The following TBC1D19 variants were observed in gnomAD, a reference collection of about 807,000 sequenced individuals.
The protein encoded by TBC1D19 is TBC1 domain family member 19, also known as TBC1 domain family, member 19.
In TBC1D19, 60 loss-of-function variants were observed where a neutral mutation model predicts 89.0. The ratio of observed to expected loss-of-function variants is 0.67; its 90% confidence interval spans 0.55 to 0.84. TBC1D19 has a LOEUF of 0.84. TBC1D19 is among the 40% of genes least tolerant of loss of function. TBC1D19 has a pLI of 0.00. For missense variants in TBC1D19, 500 were observed against 610.8 expected, an observed-to-expected ratio of 0.82 and a Z score of 1.91; for synonymous variants, 189 against 199.7, an observed-to-expected ratio of 0.95 and a Z score of 0.45.
the TBC1D19 span, among the ~76,000 whole-genome samples, chr4:26,776,818 T>C: frequency 6.6e-6 from 1 of 152,172 alleles, no homozygotes; most frequent in Admixed American, 6.5e-5. Flanking sequence ...GGTCATCTAA[T>C]TTTCTTTCCC....
chr4:26,610,013 G>GA (rs1300263086), intron 1 of TBC1D19, among the ~76,000 whole-genome samples: 2 of 152,000 alleles, frequency 1.3e-5, no homozygotes, highest in Non-Finnish European at 2.9e-5. Flanking sequence ...TAAGTAAGAA[G>GA]AAAAAATAGA....
chr4:26,692,891 A>G (rs1714423713), intron 13 of TBC1D19, among the ~76,000 whole-genome samples: 1 of 152,234 alleles, frequency 6.6e-6, no homozygotes, highest in African/African-American at 2.4e-5. Flanking sequence ...GCTGGCAATT[A>G]GAGGAACCTA....
intron 7 of TBC1D19, among the ~76,000 whole-genome samples, chr4:26,656,632 C>A (rs560769401): frequency 6.6e-6 from 1 of 151,680 alleles, no homozygotes; most frequent in Admixed American, 6.6e-5. Context: ...AATCTTGGCT[C>A]ACTGTAACCT....
In TBC1D19 at chr4:26,755,540, A is replaced by G. The variant is rs114727120; in HGVS notation, c.*593A>G. Among the ~76,000 whole-genome samples, 871 of 152,182 alleles carry G rather than the reference A, an allele frequency of 5.7e-3. 7 individuals carry two copies. The highest frequency in any genetic ancestry group is 0.02 in the African/African-American group (845 of 41,520). ...TTTATTTCTCTCTTTAAACATCTCT[A>G]CTGGGGAAGGTCGAATACAATTGTC... is the stretch of plus-strand genomic sequence containing the variant. On this transcript the variant is annotated 3_prime_UTR_variant, in exon 21 of 21. Coordinates refer to ENST00000264866, the MANE Select transcript of TBC1D19 (RefSeq NM_018317.4).
rs76307570 is a variant in TBC1D19, at chr4:26,755,914, C to T, written c.*967C>T. On this transcript the variant is annotated 3_prime_UTR_variant, in exon 21 of 21. Coordinates refer to ENST00000264866, the MANE Select transcript of TBC1D19 (RefSeq NM_018317.4). Reference sequence around the variant, plus strand: ...AAGTGAAGGGTCTTATTTTGTATTACTTCCTAAAGACCTACCATTTCTGTA... The same window carrying T: ...AAGTGAAGGGTCTTATTTTGTATTATTTCCTAAAGACCTACCATTTCTGTA... 9.5e-4 allele frequency among the ~76,000 whole-genome samples: 144 copies of T among 152,272 alleles called. 4 individuals are homozygous for T. The East Asian group carries it at 0.024, about 25-fold the overall frequency.
the TBC1D19 span, among the ~76,000 whole-genome samples, chr4:26,817,981 A>AAAAATATATATATATATATAT: frequency 1.0e-4 from 13 of 126,070 alleles, no homozygotes; most frequent in African/African-American, 4.8e-4. Context: ...AAAAAAAAAA[A>AAAAATATATATATATATATAT]ATATATATAT....
At chr4:26,614,308 T>G (rs1471493983) in intron 2 of TBC1D19, 100 bp from the exon 3 acceptor site, 1 of 850,364 alleles carries the variant, frequency 1.2e-6, no homozygotes, top group Non-Finnish European at 1.8e-6. Flanking sequence ...TTTCACAAAT[T>G]AATATGATGC....
chr4:26,824,644 C>G, the TBC1D19 span, among the ~76,000 whole-genome samples: 1 of 151,940 alleles, frequency 6.6e-6, no homozygotes, highest in Non-Finnish European at 1.5e-5. Context: ...TTAGTTAATT[C>G]CTTCTTTTTA....
At chr4:26,678,369 G>A (rs895106699) in intron 11 of TBC1D19, among the ~76,000 whole-genome samples, 2 of 152,202 alleles carry the variant, frequency 1.3e-5, no homozygotes, top group African/African-American at 4.8e-5. Flanking sequence ...AGTTAAGGAT[G>A]TGCATCCTGG....
chr4:26,580,708 G>A (rs1280758864), upstream of TBC1D19, among the ~76,000 whole-genome samples: 1 of 152,224 alleles, frequency 6.6e-6, no homozygotes, highest in African/African-American at 2.4e-5. Flanking sequence ...AACAACAGTG[G>A]AAAGTATTTT....
rs34342483 is a variant in TBC1D19, at chr4:26,741,362, CAAAAAAAAAAAA to C, written c.1228-1133_1228-1122del. ...TGGGCGACAGAGCGAGACTCTGTCT[CAAAAAAAAAAAA>C]AAAAAAAAAAAAGATTAATAATTCT... On this transcript the variant is annotated intron_variant, in intron 17 of 20. Transcript: ENST00000264866. Among the ~76,000 whole-genome samples the C allele has an allele frequency of 3.5e-4, 26 of 73,678 alleles. No homozygotes were observed. In the Admixed American group the frequency reaches 4.3e-3, roughly 12 times the overall value. The allele number at this position is 73,678 out of a possible 152,430, so 48.3% of individuals were successfully genotyped here.
chr4:26,666,337 A>T lies in TBC1D19; in HGVS notation c.596A>T (p.Glu199Val). The change falls in exon 9 of 21, where the codon GAA (glutamate) becomes GTA (valine). Residue 199 changes from glutamate to valine, a missense_variant. Physicochemically the swap from Glu to Val is moderately radical, Grantham distance 121. This residue lies in a region of TBC1D19 where 280 missense variants were observed against 291.7 expected (regional missense o/e 0.96). Coordinates refer to ENST00000264866, the MANE Select transcript of TBC1D19 (RefSeq NM_018317.4). Reference sequence around the variant, plus strand: ...TCTACGTATGTTATTTTTCAGAAAGAATGCTTTGTGGAACTTGGCTTAAAT... The same window carrying T: ...TCTACGTATGTTATTTTTCAGAAAGTATGCTTTGTGGAACTTGGCTTAAAT... The part of the protein sequence containing the change: ...LKVKDIPELK[E>V]CFVELGLNIG... 6.2e-7 allele frequency: 1 copy of T among 1,610,610 alleles called. No homozygotes were observed. Among genetic ancestry groups the T allele is most frequent in the Non-Finnish European group, 8.5e-7 (1 of 1,177,874 alleles).
intron 1 of TBC1D19, among the ~76,000 whole-genome samples, chr4:26,597,310 C>G (rs554327282): frequency 6.6e-6 from 1 of 152,260 alleles, no homozygotes; most frequent in African/African-American, 2.4e-5. Flanking sequence ...CTTAATCGTT[C>G]TGAAGTATCT....
chr4:26,617,273 A>G (rs1165359429), intron 3 of TBC1D19, among the ~76,000 whole-genome samples: 1 of 152,234 alleles, frequency 6.6e-6, no homozygotes, highest in East Asian at 1.9e-4. Flanking sequence ...TGGCCTAATC[A>G]CTTCTGAAAG....
intron 15 of TBC1D19, among the ~76,000 whole-genome samples, chr4:26,732,662 A>G (rs1717737586): frequency 6.6e-6 from 1 of 152,194 alleles, no homozygotes; most frequent in Non-Finnish European, 1.5e-5. Flanking sequence ...TCCATGTCCC[A>G]TATTATTCTT....
At chr4:26,666,787 T>A (rs910077896) in intron 9 of TBC1D19, among the ~76,000 whole-genome samples, 1 of 152,048 alleles carries the variant, frequency 6.6e-6, no homozygotes, top group Non-Finnish European at 1.5e-5. Context: ...AAATAGTGTG[T>A]TTTAAACCTT....
intron 9 of TBC1D19, among the ~76,000 whole-genome samples, chr4:26,668,628 T>C (rs1712019154): frequency 6.6e-6 from 1 of 151,996 alleles, no homozygotes; most frequent in Non-Finnish European, 1.5e-5. Context: ...TTTTATATTT[T>C]AGTCTGTGTC....
chr4:26,681,508 G>A (rs1713342073), intron 11 of TBC1D19, among the ~76,000 whole-genome samples: 3 of 151,962 alleles, frequency 2.0e-5, no homozygotes, highest in Admixed American at 6.6e-5. Flanking sequence ...CCGAGATCGT[G>A]CCACTGCACT....
At chr4:26,666,296 T>C (rs1261576842) in intron 8 of TBC1D19, 37 bp from the exon 9 acceptor site, 9 of 1,542,438 alleles carry the variant, frequency 5.8e-6, no homozygotes, top group Non-Finnish European at 7.2e-6. Context: ...CAGCAAAGTC[T>C]GAGATCTATG....
Sources: allele counts gnomAD v4.1 joint callset (sites outside exome capture counted in the v4.1 genomes callset), GRCh38; gene constraint gnomAD v4.1.1; regional missense constraint gnomAD v4.1.1; transcripts MANE v1.5; gene names NCBI Gene and HGNC (gene_info 2026-07-23, HGNC 2026-07-21).